GALNT10: variants seen among roughly 807,000 people sequenced by gnomAD.
GALNT10 encodes polypeptide N-acetylgalactosaminyltransferase 10, also known as GalNAc transferase 10.
In GALNT10, 41 loss-of-function variants were observed where a neutral mutation model predicts 75.0. That is an observed-to-expected ratio of 0.55 (90% CI 0.43 to 0.71). The LOEUF (loss-of-function observed/expected upper bound fraction) is 0.71, where lower values mean the gene tolerates loss of function less well. Among genes scored for constraint, GALNT10 ranks in the 30% least tolerant of loss-of-function variants. The pLI is 0.00. For missense variants in GALNT10, 727 were observed against 818.5 expected (o/e 0.89, Z 1.36); for synonymous variants, 302 against 313.0 (o/e 0.96, Z 0.37).
intron 1 of GALNT10, among the ~76,000 whole-genome samples, chr5:154,289,896 A>G (rs1030359936): frequency 4.6e-5 from 7 of 152,136 alleles, no homozygotes; most frequent in Non-Finnish European, 1.0e-4. Flanking sequence ...TGCCTGACAC[A>G]CTGCTTTGTA....
chr5:154,379,468 C>G (rs1205372122), intron 5 of GALNT10, among the ~76,000 whole-genome samples: 1 of 152,258 alleles, frequency 6.6e-6, no homozygotes, highest in East Asian at 1.9e-4. Flanking sequence ...TGCCCTGGCC[C>G]TACCAGGCTC....
intron 7 of GALNT10, among the ~76,000 whole-genome samples, chr5:154,400,752 T>A (rs1362265744): frequency 6.6e-6 from 1 of 152,048 alleles, no homozygotes; most frequent in Non-Finnish European, 1.5e-5. Context: ...AGGATGAGTA[T>A]GAGGTAGCCA....
At chr5:154,305,264 C>G (rs931820872) in intron 3 of GALNT10, among the ~76,000 whole-genome samples, 3 of 151,346 alleles carry the variant, frequency 2.0e-5, no homozygotes, top group African/African-American at 7.3e-5. Context: ...CTACTGCACT[C>G]CAGCCTTAGT....
chr5:154,399,498 G>C (rs1231499586), intron 7 of GALNT10, among the ~76,000 whole-genome samples: 1 of 152,192 alleles, frequency 6.6e-6, no homozygotes, highest in Non-Finnish European at 1.5e-5. Context: ...GCCCGAAAGA[G>C]ATGGCAATGG....
chr5:154,253,410 A>C (rs6862545), intron 1 of GALNT10, among the ~76,000 whole-genome samples: 1 of 119,382 alleles, frequency 8.4e-6, no homozygotes. Context: ...GGGGAGGGGG[A>C]AGGGATAGCA....
rs188261012 is a variant in GALNT10, at chr5:154,302,053, C to T, written c.401+3974C>T. ...TTGACAGATGTCTCGAAGAGATTTC[C>T]TTTTTTTCCAGAGGGGAATCTTTCC... On this transcript the variant is annotated intron_variant, in intron 3 of 11. Coordinates refer to ENST00000297107, the MANE Select transcript of GALNT10 (RefSeq NM_198321.4). Among the ~76,000 whole-genome samples, 189 of 152,292 alleles carry T rather than the reference C, an allele frequency of 1.2e-3. 1 individual carries two copies. In the Middle Eastern group the frequency reaches 0.017, roughly 14 times the overall value.
At chr5:154,256,244 C>A (rs1257455068) in intron 1 of GALNT10, among the ~76,000 whole-genome samples, 1 of 152,058 alleles carries the variant, frequency 6.6e-6, no homozygotes, top group Non-Finnish European at 1.5e-5. Context: ...TGCTGTCATG[C>A]AGGAATACAG....
chr5:154,332,636 A>G (rs1754884621), intron 4 of GALNT10, among the ~76,000 whole-genome samples: 1 of 152,160 alleles, frequency 6.6e-6, no homozygotes, highest in Non-Finnish European at 1.5e-5. Flanking sequence ...ATGTTTGTGA[A>G]TGAGTGAATA....
chr5:154,378,440 A>C (rs758138363), intron 5 of GALNT10, among the ~76,000 whole-genome samples: 6 of 152,098 alleles, frequency 3.9e-5, no homozygotes, highest in Admixed American at 1.3e-4. Flanking sequence ...ATCATTATCC[A>C]CTTTTTGCAA....
At chr5:154,254,846 G>T (rs1336336795) in intron 1 of GALNT10, among the ~76,000 whole-genome samples, 1 of 152,098 alleles carries the variant, frequency 6.6e-6, no homozygotes, top group African/African-American at 2.4e-5. Flanking sequence ...AAGTTCAGGG[G>T]CAGGTAATTT....
chr5:154,322,001 G>A (rs1754683836), intron 3 of GALNT10, among the ~76,000 whole-genome samples: 1 of 152,176 alleles, frequency 6.6e-6, no homozygotes, highest in East Asian at 1.9e-4. Flanking sequence ...GACTCCTCGT[G>A]TATTTGTTTT....
intron 6 of GALNT10, among the ~76,000 whole-genome samples, chr5:154,384,309 C>T (rs1755776331): frequency 2.0e-5 from 3 of 152,172 alleles, no homozygotes. Flanking sequence ...TAAATCAGCA[C>T]TGTCCAATAT....
chr5:154,279,679 C>G (rs1473239355), intron 1 of GALNT10, among the ~76,000 whole-genome samples: 1 of 151,918 alleles, frequency 6.6e-6, no homozygotes, highest in Admixed American at 6.6e-5. Context: ...CTCCTAGGCT[C>G]AAGCAATCCT....
chr5:154,282,258 G>A (rs2113056085), intron 1 of GALNT10, among the ~76,000 whole-genome samples: 1 of 152,296 alleles, frequency 6.6e-6, no homozygotes, highest in South Asian at 2.1e-4. Flanking sequence ...GAGCTCTCAT[G>A]AGCTAATCAC....
At chr5:154,214,551 G>A (rs7380340) in intron 1 of GALNT10, among the ~76,000 whole-genome samples, 52,451 of 151,978 alleles carry the variant, frequency 0.35, 10,879 homozygotes, top group East Asian at 0.78. Context: ...TTAAAAAAGG[G>A]ACTAATTTTT....
chr5:154,399,963 G>A (rs2113206590), intron 7 of GALNT10, among the ~76,000 whole-genome samples: 1 of 152,170 alleles, frequency 6.6e-6, no homozygotes, highest in South Asian at 2.1e-4. Context: ...GGCAACACAG[G>A]GAGACCCCCA....
intron 1 of GALNT10, among the ~76,000 whole-genome samples, chr5:154,226,109 T>C (rs1249343121): frequency 1.3e-5 from 2 of 151,604 alleles, no homozygotes; most frequent in Non-Finnish European, 2.9e-5. Flanking sequence ...ATTGTGCACA[T>C]GTACCATAAA....
rs1554102730 is a variant in GALNT10 at position 154,416,480 on chromosome 5, T to TATACACAC, written c.1654-333_1654-332insTACACACA. Among the ~76,000 whole-genome samples, 2 of 141,828 alleles carry TATACACAC rather than the reference T, an allele frequency of 1.4e-5. No homozygotes were observed. The highest frequency in any genetic ancestry group is 5.4e-5 in the African/African-American group (2 of 36,794). The allele number at this position is 141,828 out of a possible 152,430, so 93.0% of individuals were successfully genotyped here. On this transcript the variant is annotated intron_variant, in intron 11 of 11. Coordinates refer to ENST00000297107, the MANE Select transcript of GALNT10 (RefSeq NM_198321.4). The surrounding 1 kb of genome is among the most constrained non-coding windows in gnomAD (Gnocchi z 4.5). The stretch of plus-strand genomic sequence containing the variant: ...AAATAAAAGATAAAAGGAAAGCACA[T>TATACACAC]ACACACACACACACACACACACACA...
chr5:154,203,551 C>T (rs1775060276), intron 1 of GALNT10, among the ~76,000 whole-genome samples: 1 of 152,216 alleles, frequency 6.6e-6, no homozygotes, highest in Non-Finnish European at 1.5e-5. Context: ...CCCATCCTTT[C>T]AGGTACCTCT....
Sources: allele counts gnomAD v4.1 joint callset (sites outside exome capture counted in the v4.1 genomes callset), GRCh38; gene constraint gnomAD v4.1.1; non-coding constraint Gnocchi (gnomAD v3.1); transcripts MANE v1.5; gene names NCBI Gene and HGNC (gene_info 2026-07-23, HGNC 2026-07-21).